Variants in FLVCR1 observed in about 807,000 individuals in gnomAD.
FLVCR1 encodes choline/ethanolamine transporter FLVCR1.
In FLVCR1, 34 loss-of-function variants were observed where a neutral mutation model predicts 53.6. That is an observed-to-expected ratio of 0.63 (90% CI 0.48 to 0.84). The LOEUF (loss-of-function observed/expected upper bound fraction) is 0.84, where lower values mean the gene tolerates loss of function less well. Ranked by LOEUF, FLVCR1 falls within the 40% of genes least tolerant of loss-of-function variation. The probability of loss-of-function intolerance (pLI) is 0.00; values close to 1 mark genes in which losing one functional copy is unlikely to be tolerated. For synonymous variants in FLVCR1, 300 were observed against 286.3 expected (o/e 1.05, Z -0.48); for missense variants, 677 against 696.7 (o/e 0.97, Z 0.32).
chr1:212,892,041 A>T (rs150249117), intron 8 of FLVCR1, among the ~76,000 whole-genome samples: 9 of 152,366 alleles, frequency 5.9e-5, no homozygotes, highest in Non-Finnish European at 1.3e-4. Flanking sequence ...GAAAGAGGTG[A>T]GAAAGTTGCG....
Position 212,888,600 on chromosome 1 carries a change from C to G in FLVCR1, c.1413+6C>G. 2 of 1,555,338 alleles carry G rather than the reference C, an allele frequency of 1.3e-6. No individual in the cohort carries two copies. The highest frequency in any genetic ancestry group is 1.8e-6 in the Non-Finnish European group (2 of 1,126,464). On this transcript the variant is annotated splice_donor_region_variant and intron_variant, in intron 7 of 9. Coordinates refer to ENST00000366971, the MANE Select transcript of FLVCR1 (RefSeq NM_014053.4). ...TTCTTAATGCTTCTGCACAGGTAAA[C>G]CTCTGATTTCTCTAAACCTGAGATG...
At chr1:212,893,710 G>T (rs2359326) in intron 8 of FLVCR1, among the ~76,000 whole-genome samples, 1 of 152,030 alleles carries the variant, frequency 6.6e-6, no homozygotes, top group Non-Finnish European at 1.5e-5. Flanking sequence ...CCCTCCACCA[G>T]CAAAAAGATA....
chr1:212,874,942 G>C (rs61833732), intron 3 of FLVCR1, among the ~76,000 whole-genome samples: 17 of 76,254 alleles, frequency 2.2e-4, no homozygotes, highest in East Asian at 1.2e-3. Flanking sequence ...CACACACACA[G>C]ACACATCTCC....
Position 212,895,594 on chromosome 1 carries a change from T to C in FLVCR1, c.*304T>C. ...TTGACGTTTACTTTTTAAAAGTCGATGTTTTTCTTTTTTGTAGAAAATGGA... is the reference window on the plus strand; with the variant it reads ...TTGACGTTTACTTTTTAAAAGTCGACGTTTTTCTTTTTTGTAGAAAATGGA... On this transcript the variant is annotated 3_prime_UTR_variant, in exon 10 of 10. Transcript: ENST00000366971. The C allele has an allele frequency of 5.3e-6, 2 of 376,162 alleles. No individual in the cohort carries two copies. Among genetic ancestry groups the C allele is most frequent in the Non-Finnish European group, 9.9e-6 (2 of 202,948 alleles). The allele number at this position is 376,162 out of a possible 1,614,324, so 23.3% of individuals were successfully genotyped here.
At chr1:212,889,957 G>T (rs1665149853) in intron 8 of FLVCR1, among the ~76,000 whole-genome samples, 1 of 152,026 alleles carries the variant, frequency 6.6e-6, no homozygotes, top group Non-Finnish European at 1.5e-5. Flanking sequence ...TTCATGAAAA[G>T]TTCCTAGTGT....
At chr1:212,859,284 C>A in intron 1 of FLVCR1, 94 bp downstream of exon 1, 1 of 1,564,260 alleles carries the variant, frequency 6.4e-7, no homozygotes, top group Non-Finnish European at 8.8e-7. Flanking sequence ...ATGAACTGCC[C>A]CAGGAGGTAT....
chr1:212,890,532 A>G (rs1292571936), intron 8 of FLVCR1, among the ~76,000 whole-genome samples: 2 of 152,212 alleles, frequency 1.3e-5, no homozygotes, highest in Admixed American at 1.3e-4. Context: ...GCCACATTCA[A>G]AACTGTCCTG....
At chr1:212,875,799 C>G (rs1664737409) in intron 3 of FLVCR1, among the ~76,000 whole-genome samples, 1 of 151,292 alleles carries the variant, frequency 6.6e-6, no homozygotes, top group Non-Finnish European at 1.5e-5. Flanking sequence ...TGAGATCGTG[C>G]CACTGCACTC....
chr1:212,899,130 A>C lies in FLVCR1; in HGVS notation c.*3840A>C, dbSNP rs1665410339. The C allele has an allele frequency of 6.6e-6, 1 of 152,242 alleles. No individual in the cohort carries two copies. The highest frequency in any genetic ancestry group is 2.4e-5 in the African/African-American group (1 of 41,454). 9.4% of individuals were successfully genotyped at this position (152,242 alleles called of 1,614,324 possible). A position where few individuals can be genotyped will look rare whatever the true frequency, so the allele number is the denominator to read the frequency against. Reference sequence around the variant, plus strand: ...TAGGAAAGAAACTGGATGTTTCAAAAGCTGTTGCATTTATTACAAATGTCA... The same window carrying C: ...TAGGAAAGAAACTGGATGTTTCAAACGCTGTTGCATTTATTACAAATGTCA... On this transcript the variant is annotated 3_prime_UTR_variant, in exon 10 of 10. Coordinates refer to ENST00000366971, the MANE Select transcript of FLVCR1 (RefSeq NM_014053.4).
intron 5 of FLVCR1, among the ~76,000 whole-genome samples, chr1:212,886,042 C>CTTTTTTTTTTTTTTTTTTT (rs5780703): frequency 8.3e-6 from 1 of 121,166 alleles, no homozygotes; most frequent in African/African-American, 3.2e-5. Context: ...TTATCTTGTT[C>CTTTTTTTTTTTTTTTTTTT]TTTTTTTTTT....
intron 3 of FLVCR1, among the ~76,000 whole-genome samples, chr1:212,881,727 A>T (rs1664936583): frequency 6.6e-6 from 1 of 152,228 alleles, no homozygotes; most frequent in Admixed American, 6.5e-5. Flanking sequence ...TTATATTAAA[A>T]TAATCTTTTC....
intron 8 of FLVCR1, among the ~76,000 whole-genome samples, chr1:212,890,324 A>G (rs190050387): frequency 3.3e-4 from 50 of 152,320 alleles, no homozygotes; most frequent in African/African-American, 1.2e-3. Flanking sequence ...GTTTAAGTAC[A>G]TAGGAGGATG....
At chr1:212,894,498 C>T (rs1665283557) in intron 8 of FLVCR1, among the ~76,000 whole-genome samples, 1 of 152,218 alleles carries the variant, frequency 6.6e-6, no homozygotes, top group Non-Finnish European at 1.5e-5. Flanking sequence ...CACAATGTCT[C>T]TGAGATATAC....
rs1664082633 is a variant in FLVCR1, at chr1:212,858,313, T to C, written c.-140T>C. On this transcript the variant is annotated 5_prime_UTR_variant, in exon 1 of 10. Transcript: ENST00000366971. ...TTCACGCGGTAGCGCGGATTGCGGT[T>C]CGCGGCGCGCGCCACCGGGGAAGGA... is the stretch of plus-strand genomic sequence containing the variant. 1 of 869,934 alleles carries C rather than the reference T, an allele frequency of 1.1e-6. No individual in the cohort carries two copies. The highest frequency in any genetic ancestry group is 1.8e-5 in the African/African-American group (1 of 56,890). The allele number at this position is 869,934 out of a possible 1,614,324, so 53.9% of individuals were successfully genotyped here. A position where few individuals can be genotyped will look rare whatever the true frequency, so the allele number is the denominator to read the frequency against.
rs762546149 is a variant in FLVCR1 at position 212,872,781 on chromosome 1, T to G, written c.987T>G (p.Phe329Leu). 82 of 1,613,864 alleles carry G rather than the reference T, an allele frequency of 5.1e-5. No individual in the cohort carries two copies. Among genetic ancestry groups the G allele is most frequent in the Non-Finnish European group, 6.9e-5 (81 of 1,179,904 alleles). The part of the protein sequence containing the change: ...YSYKKSIRNL[F>L]KNIPFVLLLI... The stretch of plus-strand genomic sequence containing the variant: ...ATAAGAAATCAATAAGAAACCTGTT[T>G]AAAAACATTCCTTTTGTCCTTCTGT... The change falls in exon 3 of 10, where the codon TTT becomes TTG. Residue 329 changes from phenylalanine to leucine, a missense_variant. Phe to Leu is a conservative substitution (Grantham distance 22). Transcript: ENST00000366971.
intron 3 of FLVCR1, among the ~76,000 whole-genome samples, chr1:212,876,372 C>CT (rs113409098): frequency 0.027 from 3,859 of 143,144 alleles, 161 homozygotes; most frequent in African/African-American, 0.091. Context: ...GATCTCATTT[C>CT]TTTTTTTTTT....
intron 5 of FLVCR1, among the ~76,000 whole-genome samples, chr1:212,886,028 GACTTTA>G (rs1333236056): frequency 1.1e-4 from 15 of 139,986 alleles, no homozygotes; most frequent in Non-Finnish European, 1.5e-4. Context: ...ACTTTTGATA[GACTTTA>G]TCTTGTTCTT....
chr1:212,896,144 TTC>T lies in FLVCR1; in HGVS notation c.*855_*856del, dbSNP rs1665330057. 2 of 151,438 alleles carry T rather than the reference TTC, an allele frequency of 1.3e-5. No individual in the cohort carries two copies. The highest frequency in any genetic ancestry group is 6.6e-5 in the Admixed American group (1 of 15,218). The allele number at this position is 151,438 out of a possible 1,614,324, so 9.4% of individuals were successfully genotyped here. A position where few individuals can be genotyped will look rare whatever the true frequency, so the allele number is the denominator to read the frequency against. On this transcript the variant is annotated 3_prime_UTR_variant, in exon 10 of 10. Coordinates refer to ENST00000366971, the MANE Select transcript of FLVCR1 (RefSeq NM_014053.4). The stretch of plus-strand genomic sequence containing the variant: ...TCTTTTAAACTCTCTTTTTTTTTTT[TTC>T]CTGATGTGTAACTTTCTAGTAAGAT...
intron 3 of FLVCR1, among the ~76,000 whole-genome samples, chr1:212,875,174 G>A (rs985813787): frequency 5.3e-5 from 8 of 152,144 alleles, no homozygotes; most frequent in Non-Finnish European, 1.0e-4. Context: ...CTTGTGGCTA[G>A]AAAGAGGCAT....
Sources: gnomAD v4.1 joint callset for allele counts (sites outside exome capture counted in the v4.1 genomes callset) on GRCh38, gnomAD v4.1.1 for gene constraint, MANE v1.5 for transcripts, NCBI Gene and HGNC (gene_info 2026-07-23, HGNC 2026-07-21) for gene names.